C20orf173: variants seen among roughly 807,000 people sequenced by gnomAD.
C20orf173 encodes the protein uncharacterized protein C20orf173.
C20orf173 carries 22 observed loss-of-function variants against 26.7 expected under a neutral mutation model. The observed-to-expected ratio is 0.82, with a 90% CI of 0.59 to 1.18. The LOEUF (loss-of-function observed/expected upper bound fraction) is 1.18. Among genes scored for constraint, C20orf173 ranks in the 50% most tolerant of loss-of-function variants. The pLI, the probability that C20orf173 is intolerant of heterozygous loss-of-function variation, is 0.00. For synonymous variants in C20orf173, 85 were observed against 96.4 expected, an observed-to-expected ratio of 0.88 and a Z score of 0.69; for missense variants, 210 against 250.3, an observed-to-expected ratio of 0.84 and a Z score of 1.09.
At chr20:35,528,646 T>G (rs1338239085) in intron 3 of C20orf173, 55 bp downstream of exon 3, 7 of 1,540,306 alleles carry the variant, frequency 4.5e-6, no homozygotes, top group Non-Finnish European at 3.5e-6. Context: ...CAGAAACTGA[T>G]GGAACTGTGG....
At chr20:35,521,765 C>T (rs1439114978), downstream of C20orf173, among the ~76,000 whole-genome samples, 7 of 152,026 alleles carry the variant, frequency 4.6e-5, no homozygotes, top group Non-Finnish European at 1.0e-4. Context: ...TGCGCCACCA[C>T]GCCTGGCTAA....
At chr20:35,526,741 A>G (rs1461536101), downstream of C20orf173, among the ~76,000 whole-genome samples, 1 of 151,326 alleles carries the variant, frequency 6.6e-6, no homozygotes, top group Non-Finnish European at 1.5e-5. Context: ...AAAAACAAAA[A>G]ACAACCCTCA....
downstream of C20orf173, among the ~76,000 whole-genome samples, chr20:35,524,124 TC>T (rs1439924162): frequency 2.0e-5 from 3 of 152,238 alleles, no homozygotes; most frequent in African/African-American, 7.2e-5. Context: ...TTCAAATGGT[TC>T]TCTTGCTTCA....
chr20:35,521,667 G>A (rs146259555), downstream of C20orf173, among the ~76,000 whole-genome samples: 22 of 151,374 alleles, frequency 1.5e-4, no homozygotes, highest in African/African-American at 4.9e-4. Flanking sequence ...GGAGTACAGT[G>A]GCATGATCTT....
chr20:35,529,387 G>A lies in C20orf173; in HGVS notation c.-14C>T, dbSNP rs1365493831. On this transcript the variant is annotated 5_prime_UTR_variant, in exon 2 of 6. Transcript: ENST00000444723. Reference sequence around the variant, plus strand: ...CCAGCGCTTCATGTCTGGCCCAGGCGGTGGCTCCCGTGGTGGGCCGTAGAC... The same window carrying A: ...CCAGCGCTTCATGTCTGGCCCAGGCAGTGGCTCCCGTGGTGGGCCGTAGAC... 4.6e-6 allele frequency: 7 copies of A among 1,521,794 alleles called. No individual in the cohort carries two copies. In the South Asian group the frequency reaches 5.0e-5, roughly 11 times the overall value. The allele number at this position is 1,521,794 out of a possible 1,614,324, so 94.3% of individuals were successfully genotyped here. A position where few individuals can be genotyped will look rare whatever the true frequency, so the allele number is the denominator to read the frequency against.
At chr20:35,523,626 C>A (rs1486097277), downstream of C20orf173, among the ~76,000 whole-genome samples, 1 of 152,194 alleles carries the variant, frequency 6.6e-6, no homozygotes, top group Non-Finnish European at 1.5e-5. Context: ...CTGTGCCAGC[C>A]CAGTGATATC....
Position 35,528,244 on chromosome 20 carries a change from T to TCA in C20orf173, c.*13_*14insTG. ...CTATTCCCCCTCACCGTGTCTTTGC[T>TCA]ATCTTCCACTCCACTAGGGAACCAG... On this transcript the variant is annotated 3_prime_UTR_variant, in exon 5 of 6. Coordinates refer to ENST00000444723, the MANE Select transcript of C20orf173 (RefSeq NM_001145350.2). The TCA allele has an allele frequency of 6.4e-7, 1 of 1,552,048 alleles. No individual in the cohort carries two copies. Among genetic ancestry groups the TCA allele is most frequent in the Non-Finnish European group, 8.7e-7 (1 of 1,147,028 alleles).
chr20:35,528,562 T>C lies in C20orf173; in HGVS notation c.489-18A>G. On this transcript the variant is annotated intron_variant, in intron 3 of 5. Transcript: ENST00000444723. ...TGGCATTCCTGGGATAGATGAAGCA[T>C]TGTGTGTGGTTTGGTTCCCCACGTC... 1.9e-6 allele frequency: 3 copies of C among 1,551,294 alleles called. No homozygotes were observed. Among genetic ancestry groups the C allele is most frequent in the East Asian group, 2.4e-5 (1 of 40,906 alleles).
downstream of C20orf173, among the ~76,000 whole-genome samples, chr20:35,526,640 AAAAAAAAAAAG>A (rs2064504105): frequency 6.6e-6 from 1 of 151,420 alleles, no homozygotes; most frequent in Non-Finnish European, 1.5e-5. Context: ...AAAAAAAAAA[AAAAAAAAAAAG>A]CGAATTGGAA....
chr20:35,528,895 G>A lies in C20orf173; in HGVS notation c.310-16C>T. 6.4e-7 allele frequency: 1 copy of A among 1,551,392 alleles called. No individual in the cohort carries two copies. Among genetic ancestry groups the A allele is most frequent in the Non-Finnish European group, 8.7e-7 (1 of 1,146,860 alleles). ...AGTTCATGCCCTGGAAACAGCAAGA[G>A]GGAGATTGGGGGCTGGGCCCAGGGG... On this transcript the variant is annotated splice_polypyrimidine_tract_variant and intron_variant, in intron 2 of 5. Transcript: ENST00000444723.
At chr20:35,525,006 C>T (rs867401033), downstream of C20orf173, among the ~76,000 whole-genome samples, 2 of 151,374 alleles carry the variant, frequency 1.3e-5, no homozygotes, top group African/African-American at 2.4e-5. Context: ...GCCTTTTGTT[C>T]GTGGTAACTT....
rs1200634732 is a variant in C20orf173 at position 35,529,065 on chromosome 20, C to T, written c.309G>A (p.Leu103=). 1.3e-6 allele frequency: 2 copies of T among 1,548,118 alleles called. No homozygotes were observed. The highest frequency in any genetic ancestry group is 3.9e-5 in the Admixed American group (2 of 50,910). Residue 103 remains leucine (L), a splice_region_variant and synonymous_variant, in exon 2 of 6, where the codon TTG becomes TTA. Transcript: ENST00000444723. ...GCCGGGCCCAGTGTTGACCACTGAC[C>T]AACCACCAGAGCACAGTGTCAGAGG... is the stretch of plus-strand genomic sequence containing the variant. The part of the protein sequence containing the change: ...SMTSDTVLWW[L]GMNSGSELGK...
downstream of C20orf173, among the ~76,000 whole-genome samples, chr20:35,521,758 G>A (rs2064476809): frequency 1.3e-5 from 2 of 152,030 alleles, no homozygotes; most frequent in East Asian, 3.9e-4. Flanking sequence ...ACAGGCATGC[G>A]CCACCACGCC....
downstream of C20orf173, among the ~76,000 whole-genome samples, chr20:35,526,527 G>T (rs1468070256): frequency 2.6e-5 from 4 of 151,548 alleles, no homozygotes; most frequent in African/African-American, 9.7e-5. Flanking sequence ...TACTCAGGGG[G>T]CTTAGGTGGG....
chr20:35,527,543 T>C (rs1392270020), intron 5 of C20orf173, among the ~76,000 whole-genome samples: 1 of 152,036 alleles, frequency 6.6e-6, no homozygotes. Context: ...ATGAGGCAGC[T>C]CATGTGTCTG....
downstream of C20orf173, among the ~76,000 whole-genome samples, chr20:35,526,593 C>T (rs1418269872): frequency 7.1e-6 from 1 of 141,330 alleles, no homozygotes; most frequent in Non-Finnish European, 1.5e-5. Flanking sequence ...TGTGCCACTC[C>T]ATTCCAGCCT....
At position 35,529,524 on chromosome 20, in the gene C20orf173, C is replaced by G. The variant is rs1055657324; in HGVS notation, c.-52+35G>C. On this transcript the variant is annotated intron_variant, in intron 1 of 5. Transcript: ENST00000444723. Reference sequence around the variant, plus strand: ...CCCACCACCTTCCACCTCCTTCCAACCCCTCCTCTCCTGCCTCACTATCCA... The same window carrying G: ...CCCACCACCTTCCACCTCCTTCCAAGCCCTCCTCTCCTGCCTCACTATCCA... 4.4e-6 allele frequency: 3 copies of G among 676,036 alleles called. No individual in the cohort carries two copies. In the African/African-American group the frequency reaches 5.4e-5, roughly 12 times the overall value. 41.9% of individuals were successfully genotyped at this position (676,036 alleles called of 1,614,324 possible). A position where few individuals can be genotyped will look rare whatever the true frequency, so the allele number is the denominator to read the frequency against.
chr20:35,529,186 C>T lies in C20orf173; in HGVS notation c.188G>A (p.Cys63Tyr), dbSNP rs148026936. 1,007 of 1,551,666 alleles carry T rather than the reference C, an allele frequency of 6.5e-4. 8 individuals carry two copies. The East Asian group carries it at 0.021, about 32-fold the overall frequency. ...GTCGGCTGTGTGGTGGCAGGAGGAG[C>T]AGTTGAGGGTCTCAGAAGGGCAGCC... ...KCGCPSETLNCSSCHHTADEW... is the reference protein window; with the variant it reads ...KCGCPSETLNYSSCHHTADEW... The change falls in exon 2 of 6, where the codon TGC (cysteine) becomes TAC (tyrosine). Residue 63 changes from cysteine (C) to tyrosine (Y), a missense_variant. Transcript: ENST00000444723.
chr20:35,529,152 G>T lies in C20orf173; in HGVS notation c.222C>A (p.Asn74Lys), dbSNP rs2036272121. 1 of 1,551,612 alleles carries T rather than the reference G, an allele frequency of 6.4e-7. No individual in the cohort carries two copies. Among genetic ancestry groups the T allele is most frequent in the South Asian group, 1.2e-5 (1 of 84,066 alleles). ...TCTTCCTGGAGCACGCATCAAGCCA[G>T]TTCCATTCGTCGGCTGTGTGGTGGC... ...SSCHHTADEW[N>K]WLDACSRKTM... Residue 74 changes from asparagine (N) to lysine (K), a missense_variant, in exon 2 of 6, where the codon AAC (asparagine) becomes AAA (lysine). Coordinates refer to ENST00000444723, the MANE Select transcript of C20orf173 (RefSeq NM_001145350.2).
Sources: allele counts gnomAD v4.1 joint callset (sites outside exome capture counted in the v4.1 genomes callset), GRCh38; gene constraint gnomAD v4.1.1; transcripts MANE v1.5; gene names NCBI Gene and HGNC (gene_info 2026-07-23, HGNC 2026-07-21).